FMNL2: variants seen among roughly 807,000 people sequenced by gnomAD.
FMNL2 encodes the protein formin-like protein 2.
In FMNL2, 51 loss-of-function variants were observed where a neutral mutation model predicts 130.2. That is an observed-to-expected ratio of 0.39 (90% CI 0.31 to 0.49). The LOEUF (loss-of-function observed/expected upper bound fraction) is 0.49. Ranked by LOEUF, FMNL2 falls within the 20% of genes least tolerant of loss-of-function variation. The pLI is 0.85. For synonymous variants in FMNL2, 465 were observed against 467.1 expected, an observed-to-expected ratio of 1.00 and a Z score of 0.06; for missense variants, 977 against 1,316.2, an observed-to-expected ratio of 0.74 and a Z score of 3.99.
At chr2:152,591,961 G>C (rs1697468696) in intron 9 of FMNL2, among the ~76,000 whole-genome samples, 1 of 152,082 alleles carries the variant, frequency 6.6e-6, no homozygotes, top group Non-Finnish European at 1.5e-5. Flanking sequence ...AAATAAGCCG[G>C]GTGTGGTGGC....
At chr2:152,355,714 C>T (rs1057380213) in intron 1 of FMNL2, among the ~76,000 whole-genome samples, 1 of 152,182 alleles carries the variant, frequency 6.6e-6, no homozygotes, top group South Asian at 2.1e-4. Flanking sequence ...TAGTCCATCA[C>T]GCTGTTAAAT....
chr2:152,488,966 G>A (rs1189028100), intron 1 of FMNL2, among the ~76,000 whole-genome samples: 1 of 152,186 alleles, frequency 6.6e-6, no homozygotes, highest in Non-Finnish European at 1.5e-5. Context: ...AGCTATTTGG[G>A]AGGCTGAGGC....
chr2:152,473,806 C>T (rs1689984819), intron 1 of FMNL2, among the ~76,000 whole-genome samples: 2 of 152,104 alleles, frequency 1.3e-5, no homozygotes, highest in Admixed American at 6.5e-5. Context: ...ATATCTTGGA[C>T]CATGGAGTAT....
chr2:152,606,894 G>C (rs573570648), intron 9 of FMNL2, among the ~76,000 whole-genome samples: 1 of 150,542 alleles, frequency 6.6e-6, no homozygotes, highest in South Asian at 2.1e-4. Context: ...TTTTGATTCA[G>C]TTATACATAT....
At position 152,337,391 on chromosome 2, in the gene FMNL2, CTGTG is replaced by C. The variant is rs10524595; in HGVS notation, c.117+1701_117+1704del. On this transcript the variant is annotated intron_variant, in intron 1 of 25. Coordinates refer to ENST00000288670, the MANE Select transcript of FMNL2 (RefSeq NM_052905.4). ...GTTTTTCCATCCATGCTGTGGTGCT[CTGTG>C]TGTGTGTGTGTGTGTGTGTGTGTGT... Among the ~76,000 whole-genome samples the C allele has an allele frequency of 7.1e-3, 1,016 of 143,520 alleles. 5 individuals carry two copies. Among genetic ancestry groups the C allele is most frequent in the East Asian group, 0.025 (123 of 4,974 alleles). 94.2% of individuals were successfully genotyped at this position (143,520 alleles called of 152,430 possible). A position where few individuals can be genotyped will look rare whatever the true frequency, so the allele number is the denominator to read the frequency against.
At chr2:152,511,080 T>C (rs1692474875) in intron 1 of FMNL2, among the ~76,000 whole-genome samples, 1 of 152,208 alleles carries the variant, frequency 6.6e-6, no homozygotes, top group Admixed American at 6.5e-5. Flanking sequence ...ATTGCAGAAA[T>C]GTAGGGTCCT....
chr2:152,544,043 T>G (rs1337295802), intron 3 of FMNL2, among the ~76,000 whole-genome samples: 1 of 152,188 alleles, frequency 6.6e-6, no homozygotes, highest in Non-Finnish European at 1.5e-5. Context: ...ATTGTTCAGT[T>G]CTTGTTAACT....
intron 1 of FMNL2, among the ~76,000 whole-genome samples, chr2:152,387,398 G>C (rs150087359): frequency 6.6e-6 from 1 of 152,194 alleles, no homozygotes. Context: ...ATTGCCTGCT[G>C]ACTTGTTGAG....
At chr2:152,608,361 A>G (rs868201657) in intron 10 of FMNL2, among the ~76,000 whole-genome samples, 64 of 16,894 alleles carry the variant, frequency 3.8e-3, no homozygotes, top group East Asian at 0.013. Flanking sequence ...CCTTTTTGTG[A>G]AAAAAAAAAA....
At chr2:152,591,048 C>T (rs955106777) in intron 9 of FMNL2, among the ~76,000 whole-genome samples, 2 of 125,444 alleles carry the variant, frequency 1.6e-5, no homozygotes, top group Non-Finnish European at 3.2e-5. Context: ...ACTCTGTCAC[C>T]ACCCAGGCTG....
In FMNL2 at chr2:152,587,278, G is replaced by A. The variant is rs1014460817; in HGVS notation, c.876+6229G>A. Among the ~76,000 whole-genome samples, 8 of 152,286 alleles carry A rather than the reference G, an allele frequency of 5.3e-5. No individual in the cohort carries two copies. In the East Asian group the frequency reaches 7.7e-4, roughly 15 times the overall value. On this transcript the variant is annotated intron_variant, in intron 9 of 25. Transcript: ENST00000288670. ...CCCAGTGAGGCCCTGAGCCCAACCC[G>A]GATGCAAGGGGAAGGCAATGGCTTC...
Position 152,640,871 on chromosome 2 carries a change from T to C in FMNL2, c.3126T>C (p.His1042=), listed in dbSNP as rs1163436919. The C allele has an allele frequency of 6.2e-7, 1 of 1,613,786 alleles. No homozygotes were observed. The highest frequency in any genetic ancestry group is 8.5e-7 in the Non-Finnish European group (1 of 1,179,790). ...LRRRQVKDNR[H]VYEGKDGAIE... is the part of the protein sequence containing the mutation. ...GACGACAAGTTAAAGATAACAGACA[T>C]GTATATGAGGGAAAAGATGGTGCCA... The change falls in exon 25 of 26, where the codon CAT becomes CAC. Residue 1042 remains histidine, a synonymous_variant. Transcript: ENST00000288670.
At chr2:152,630,069 T>A (rs572566537) in intron 20 of FMNL2, among the ~76,000 whole-genome samples, 164 bp downstream of exon 20, 1 of 152,350 alleles carries the variant, frequency 6.6e-6, no homozygotes, top group Middle Eastern at 3.4e-3. Flanking sequence ...ATAGAACCTA[T>A]AATTACTCAT....
At chr2:152,612,828 C>T (rs1171705359) in intron 11 of FMNL2, among the ~76,000 whole-genome samples, 2 of 151,854 alleles carry the variant, frequency 1.3e-5, no homozygotes, top group African/African-American at 4.9e-5. Flanking sequence ...AGGCTAGTCT[C>T]ATACTCCTGC....
At chr2:152,609,302 A>G (rs1395995451) in intron 10 of FMNL2, among the ~76,000 whole-genome samples, 2 of 152,222 alleles carry the variant, frequency 1.3e-5, no homozygotes, top group Non-Finnish European at 2.9e-5. Flanking sequence ...CATAAAACTC[A>G]GTAGATCATT....
chr2:152,622,514 T>C (rs773293522), intron 15 of FMNL2: 79 of 456,618 alleles, frequency 1.7e-4, no homozygotes, highest in Non-Finnish European at 3.0e-4. Context: ...GTATTTTCTC[T>C]GTTCTTTCTG....
intron 1 of FMNL2, among the ~76,000 whole-genome samples, chr2:152,473,174 C>CT (rs1343037054): frequency 2.6e-5 from 4 of 152,108 alleles, no homozygotes; most frequent in African/African-American, 9.7e-5. Context: ...GAAAGGCAAT[C>CT]TTTTTTTCAA....
chr2:152,403,617 G>T (rs923370997), intron 1 of FMNL2, among the ~76,000 whole-genome samples: 1 of 150,970 alleles, frequency 6.6e-6, no homozygotes, highest in Non-Finnish European at 1.5e-5. Context: ...GACTTTTTGT[G>T]TGCCTTTGTA....
intron 25 of FMNL2, among the ~76,000 whole-genome samples, chr2:152,646,499 G>C (rs1301973370): frequency 6.6e-6 from 1 of 151,758 alleles, no homozygotes; most frequent in Non-Finnish European, 1.5e-5. Context: ...GGTTTTGCCA[G>C]ATCTTCCAGT....
Sources: allele counts gnomAD v4.1 joint callset (sites outside exome capture counted in the v4.1 genomes callset), GRCh38; gene constraint gnomAD v4.1.1; transcripts MANE v1.5; gene names NCBI Gene and HGNC (gene_info 2026-07-23, HGNC 2026-07-21).